Variants in ZDHHC4 observed in about 807,000 individuals in gnomAD.
ZDHHC4 encodes the protein zDHHC palmitoyltransferase 4, also known as palmitoyltransferase ZDHHC4.
A neutral mutation model predicts 36.7 loss-of-function variants in ZDHHC4; 42 were observed. The ratio of observed to expected loss-of-function variants is 1.14; its 90% CI spans 0.89 to 1.48. The LOEUF (loss-of-function observed/expected upper bound fraction) is 1.48. Among genes scored for constraint, ZDHHC4 ranks in the 40% most tolerant of loss-of-function variants. ZDHHC4 has a pLI of 0.00. For missense variants in ZDHHC4, 457 were observed against 421.5 expected (o/e 1.08, Z -0.74); for synonymous variants, 189 against 166.6 (o/e 1.13, Z -1.03).
intron 5 of ZDHHC4, among the ~76,000 whole-genome samples, chr7:6,582,544 G>T (rs1167300771): frequency 2.0e-5 from 3 of 152,130 alleles, no homozygotes; most frequent in Non-Finnish European, 4.4e-5. Context: ...TTAAGACGGA[G>T]TCACGCTTTG....
chr7:6,580,552 T>A lies in ZDHHC4; in HGVS notation c.-7-3T>A, dbSNP rs762966204. On this transcript the variant is annotated splice_region_variant and splice_polypyrimidine_tract_variant and intron_variant, in intron 2 of 7. Coordinates refer to ENST00000335965, the MANE Select transcript of ZDHHC4 (RefSeq NM_001134389.2). ...TAGTCACACTCTTTCTGTTCCTTTG[T>A]AGCTGCAGGATGGACTTTCTGGTCC... 13 of 1,612,326 alleles carry A rather than the reference T, an allele frequency of 8.1e-6. No homozygotes were observed. Among genetic ancestry groups the A allele is most frequent in the Non-Finnish European group, 9.3e-6 (11 of 1,178,302 alleles).
chr7:6,579,677 T>G (rs1171792826), intron 2 of ZDHHC4, among the ~76,000 whole-genome samples: 2 of 152,210 alleles, frequency 1.3e-5, no homozygotes, highest in African/African-American at 4.8e-5. Context: ...GTCAGCAGAT[T>G]CTTTGGGGAC....
At chr7:6,588,298 C>T (rs1781392907) in intron 7 of ZDHHC4, among the ~76,000 whole-genome samples, 1 of 152,124 alleles carries the variant, frequency 6.6e-6, no homozygotes, top group Non-Finnish European at 1.5e-5. Flanking sequence ...CTCTTTTGTC[C>T]ATCTGGATTT....
rs1488698293 is a variant in ZDHHC4 at position 6,585,071 on chromosome 7, C to T, written c.552C>T (p.Asn184=). Reference sequence around the variant, plus strand: ...ACCATCACTGTGTTTGGGTGAACAACTGCATCGGGGCCTGGAACATCAGGT... The same window carrying T: ...ACCATCACTGTGTTTGGGTGAACAATTGCATCGGGGCCTGGAACATCAGGT... ...RFDHHCVWVN[N]CIGAWNIRYF... Residue 184 remains asparagine (N), a synonymous_variant, in exon 7 of 8, where the codon AAC becomes AAT. Coordinates refer to ENST00000335965, the MANE Select transcript of ZDHHC4 (RefSeq NM_001134389.2). 6.2e-7 allele frequency: 1 copy of T among 1,614,058 alleles called. No homozygotes were observed.
intron 7 of ZDHHC4, among the ~76,000 whole-genome samples, chr7:6,586,875 C>CT (rs35487495): frequency 0.4 from 60,752 of 151,920 alleles, 13,168 homozygotes; most frequent in African/African-American, 0.57. Flanking sequence ...GGTGTTTTCA[C>CT]TTTTGGCTAT....
At chr7:6,578,876 T>G (rs1780629277) in intron 2 of ZDHHC4, 156 bp downstream of exon 2, 1 of 152,210 alleles carries the variant, frequency 6.6e-6, no homozygotes, top group South Asian at 2.1e-4. Flanking sequence ...TCCGGTATCT[T>G]TTTTGGTTTG....
rs748743087 is a variant in ZDHHC4 at position 6,588,880 on chromosome 7, T to C, written c.1005T>C (p.Phe335=). ...SNLQEIFLPA[F]PCHERKKQE ...TTCAAGAGATCTTTCTACCTGCCTTTCCATGTCATGAGAGGAAGAAACAAG... is the reference window on the plus strand; with the variant it reads ...TTCAAGAGATCTTTCTACCTGCCTTCCCATGTCATGAGAGGAAGAAACAAG... The change falls in exon 8 of 8, where the codon TTT becomes TTC. Residue 335 remains phenylalanine (F), a synonymous_variant. Transcript: ENST00000335965. 1 of 1,609,494 alleles carries C rather than the reference T, an allele frequency of 6.2e-7. No homozygotes were observed. The highest frequency in any genetic ancestry group is 2.2e-5 in the East Asian group (1 of 44,690).
At chr7:6,580,904 A>C (rs550032075) in intron 3 of ZDHHC4, 1 of 535,636 alleles carries the variant, frequency 1.9e-6, no homozygotes, top group East Asian at 3.1e-5. Context: ...CTACAGAGTG[A>C]GACCCTGTCT....
At position 6,581,600 on chromosome 7, in the gene ZDHHC4, G is replaced by A; in HGVS notation, c.118-7G>A. On this transcript the variant is annotated splice_region_variant and splice_polypyrimidine_tract_variant and intron_variant, in intron 3 of 7. Transcript: ENST00000335965. Reference sequence around the variant, plus strand: ...AAATTGAGTCTTTCTCTTTCCTTTTGTTTCAGATATTTTCCTGTATAATTC... The same window carrying A: ...AAATTGAGTCTTTCTCTTTCCTTTTATTTCAGATATTTTCCTGTATAATTC... The A allele has an allele frequency of 1.2e-6, 2 of 1,606,222 alleles. No homozygotes were observed. Among genetic ancestry groups the A allele is most frequent in the South Asian group, 1.1e-5 (1 of 90,694 alleles).
Position 6,588,916 on chromosome 7 carries a change from G to C in ZDHHC4, c.*6G>C. The C allele has an allele frequency of 6.2e-7, 1 of 1,600,124 alleles. No homozygotes were observed. Among genetic ancestry groups the C allele is most frequent in the Non-Finnish European group, 8.6e-7 (1 of 1,168,478 alleles). On this transcript the variant is annotated 3_prime_UTR_variant, in exon 8 of 8. Coordinates refer to ENST00000335965, the MANE Select transcript of ZDHHC4 (RefSeq NM_001134389.2). ...AGAGGAAGAAACAAGAATGACAAGT[G>C]TATGACTGCCTTTGAGCTGTAGTTC...
At chr7:6,579,281 A>G (rs1212424767) in intron 2 of ZDHHC4, among the ~76,000 whole-genome samples, 1 of 150,176 alleles carries the variant, frequency 6.7e-6, no homozygotes, top group Non-Finnish European at 1.5e-5. Context: ...GCTCACTGCA[A>G]CCTCCGCTTC....
In ZDHHC4 at chr7:6,580,681, A is replaced by G. The variant is rs1780782750; in HGVS notation, c.117+3A>G. ...GCCTGGCCAGGGGAGGAGCACAGGT[A>G]AGGATGATCCTTGGATGGCACTGGA... On this transcript the variant is annotated splice_donor_region_variant and intron_variant, in intron 3 of 7. Transcript: ENST00000335965. 1.2e-6 allele frequency: 2 copies of G among 1,613,140 alleles called. No homozygotes were observed. Among genetic ancestry groups the G allele is most frequent in the Non-Finnish European group, 1.7e-6 (2 of 1,179,098 alleles).
Position 6,588,943 on chromosome 7 carries a change from C to T in ZDHHC4, c.*33C>T, listed in dbSNP as rs775709383. The stretch of plus-strand genomic sequence containing the variant: ...ATGACTGCCTTTGAGCTGTAGTTCC[C>T]GTTTATTTACACATGTGGATCCTCG... On this transcript the variant is annotated 3_prime_UTR_variant, in exon 8 of 8. Transcript: ENST00000335965. 3.4e-5 allele frequency: 54 copies of T among 1,581,040 alleles called. No homozygotes were observed. Among genetic ancestry groups the T allele is most frequent in the South Asian group, 1.5e-4 (13 of 88,584 alleles).
Position 6,580,642 on chromosome 7 carries a change from C to T in ZDHHC4, c.81C>T (p.Thr27=). 1 of 1,614,076 alleles carries T rather than the reference C, an allele frequency of 6.2e-7. No homozygotes were observed. Among genetic ancestry groups the T allele is most frequent in the African/African-American group, 1.3e-5 (1 of 75,028 alleles). The part of the protein sequence containing the change: ...GLVLICVCSK[T]HSLKGLARGG... ...TTCTTATCTGCGTCTGCTCGAAAAC[C>T]CATAGCTTGAAAGGCCTGGCCAGGG... Residue 27 remains threonine, a synonymous_variant, in exon 3 of 8, where the codon ACC becomes ACT. Coordinates refer to ENST00000335965, the MANE Select transcript of ZDHHC4 (RefSeq NM_001134389.2).
rs752995034 is a variant in ZDHHC4, at chr7:6,588,750, G to C, written c.875G>C (p.Arg292Thr). 1 of 1,614,208 alleles carries C rather than the reference G, an allele frequency of 6.2e-7. No homozygotes were observed. The highest frequency in any genetic ancestry group is 8.5e-7 in the Non-Finnish European group (1 of 1,180,040). Residue 292 changes from arginine to threonine, a missense_variant, in exon 8 of 8, where the codon AGA (arginine) becomes ACA (threonine). By Grantham distance (71) the Arg-to-Thr change is moderately conservative (BLOSUM62 -1). Transcript: ENST00000335965. ...AACCAGACTACTAACGAGTGGTACA[G>C]AGGTGACTGGGCCTGGTGCCAGCGT... ...ATNQTTNEWY[R>T]GDWAWCQRCP...
intron 3 of ZDHHC4, 107 bp downstream of exon 3, chr7:6,580,785 C>A: frequency 9.7e-7 from 1 of 1,032,886 alleles, no homozygotes; most frequent in Non-Finnish European, 1.5e-6. Context: ...GGGTGCAGTG[C>A]CTCACACCTG....
At position 6,588,993 on chromosome 7, in the gene ZDHHC4, T is replaced by G; in HGVS notation, c.*83T>G. ...GTTTTCCAAGCATGGCTTGTTTGTT[T>G]TGATTTCTGCTGTGCTTATAAATCA... On this transcript the variant is annotated 3_prime_UTR_variant, in exon 8 of 8. Coordinates refer to ENST00000335965, the MANE Select transcript of ZDHHC4 (RefSeq NM_001134389.2). 4 of 1,513,534 alleles carry G rather than the reference T, an allele frequency of 2.6e-6. No homozygotes were observed. Among genetic ancestry groups the G allele is most frequent in the Non-Finnish European group, 3.6e-6 (4 of 1,115,586 alleles). The allele number at this position is 1,513,534 out of a possible 1,614,324, so 93.8% of individuals were successfully genotyped here.
At position 6,580,636 on chromosome 7, in the gene ZDHHC4, G is replaced by A. The variant is rs760891632; in HGVS notation, c.75G>A (p.Ser25=). ...LMGLVLICVC[S]KTHSLKGLAR... ...GTCTTGTTCTTATCTGCGTCTGCTC[G>A]AAAACCCATAGCTTGAAAGGCCTGG... is the stretch of plus-strand genomic sequence containing the variant. Residue 25 remains serine, a synonymous_variant, in exon 3 of 8, where the codon TCG becomes TCA. Transcript: ENST00000335965. 14 of 1,613,994 alleles carry A rather than the reference G, an allele frequency of 8.7e-6. No individual in the cohort carries two copies. The highest frequency in any genetic ancestry group is 5.0e-5 in the Admixed American group (3 of 59,984).
intron 2 of ZDHHC4, among the ~76,000 whole-genome samples, chr7:6,579,924 T>G (rs1383013360): frequency 6.6e-6 from 1 of 151,964 alleles, no homozygotes; most frequent in East Asian, 2.0e-4. Flanking sequence ...TCACCTGAGT[T>G]CAAGAGTTCG....
Sources: gnomAD v4.1 joint callset for allele counts (sites outside exome capture counted in the v4.1 genomes callset) on GRCh38, gnomAD v4.1.1 for gene constraint, MANE v1.5 for transcripts, NCBI Gene and HGNC (gene_info 2026-07-23, HGNC 2026-07-21) for gene names.